The following ITPR3 variants were observed in gnomAD, a reference collection of about 807,000 sequenced individuals.
ITPR3 encodes the protein inositol 1,4,5-trisphosphate-gated calcium channel ITPR3.
In ITPR3, 173 loss-of-function variants were observed where a neutral mutation model predicts 293.2. That is an observed-to-expected ratio of 0.59 (90% CI 0.52 to 0.67). The LOEUF (loss-of-function observed/expected upper bound fraction) is 0.67. ITPR3 is among the 30% of genes least tolerant of loss of function. The probability of loss-of-function intolerance (pLI) is 0.00; values close to 1 mark genes in which losing one functional copy is unlikely to be tolerated. For missense variants in ITPR3, 2,796 were observed against 3,592.1 expected, an observed-to-expected ratio of 0.78 and a Z score of 5.66; for synonymous variants, 1,295 against 1,444.4, an observed-to-expected ratio of 0.90 and a Z score of 2.35.
rs1342892573 is a variant in ITPR3 at position 33,633,268 on chromosome 6, T to A, written c.90-7216T>A. ...GGACAGTGAGAGATCGGTGGGCTGG[T>A]AAAGGGTGGGAACAGGTCTTTTCTG... On this transcript the variant is annotated intron_variant, in intron 1 of 57. Transcript: ENST00000605930. This position sits in a 1 kb window ranked among gnomAD's most constrained non-coding sequence, Gnocchi z 5.2. 6.6e-6 allele frequency among the ~76,000 whole-genome samples: 1 copy of A among 151,068 alleles called. No individual in the cohort carries two copies. The highest frequency in any genetic ancestry group is 1.5e-5 in the Non-Finnish European group (1 of 67,662).
chr6:33,642,235 G>T (rs1441498556), intron 2 of ITPR3, among the ~76,000 whole-genome samples: 1 of 152,198 alleles, frequency 6.6e-6, no homozygotes, highest in Non-Finnish European at 1.5e-5. Flanking sequence ...CTCACTTGGA[G>T]GCACAGGTCT....
At chr6:33,680,227 G>T in intron 31 of ITPR3, 94 bp downstream of exon 31, 1 of 1,575,384 alleles carries the variant, frequency 6.3e-7, no homozygotes. Flanking sequence ...CAAAGCCAGG[G>T]AAGTGGGCAG....
At position 33,658,440 on chromosome 6, in the gene ITPR3, C is replaced by T. The variant is rs1299306492; in HGVS notation, c.370-230C>T. Among the ~76,000 whole-genome samples the T allele has an allele frequency of 6.6e-6, 1 of 152,160 alleles. No individual in the cohort carries two copies. The highest frequency in any genetic ancestry group is 1.5e-5 in the Non-Finnish European group (1 of 68,018). On this transcript the variant is annotated intron_variant, in intron 4 of 57. Transcript: ENST00000605930. The surrounding 1 kb of genome is among the most constrained non-coding windows in gnomAD (Gnocchi z 6.1). ...ATCTATGTAAAGTATTTAGAACAGC[C>T]TCTTTCTTGTGATCACCAGGGTGTC...
intron 57 of ITPR3, 108 bp downstream of exon 57, chr6:33,695,193 T>C: frequency 8.0e-7 from 1 of 1,246,054 alleles, no homozygotes; most frequent in Non-Finnish European, 1.1e-6. Context: ...CCTCTGGCCC[T>C]GGGCCTGGAT....
rs1176368312 is a variant in ITPR3 at position 33,682,211 on chromosome 6, G to C, written c.4477-313G>C. Among the ~76,000 whole-genome samples the C allele has an allele frequency of 2.0e-5, 3 of 152,260 alleles. No individual in the cohort carries two copies. The highest frequency in any genetic ancestry group is 2.1e-4 in the South Asian group (1 of 4,830). ...AGTGTTATCTTTTAAATAACCTTTTGGTTTTTCAACCATGTAAATCCATCA... is the reference window on the plus strand; with the variant it reads ...AGTGTTATCTTTTAAATAACCTTTTCGTTTTTCAACCATGTAAATCCATCA... On this transcript the variant is annotated intron_variant, in intron 33 of 57. Coordinates refer to ENST00000605930, the MANE Select transcript of ITPR3 (RefSeq NM_002224.4). The surrounding 1 kb of genome is among the most constrained non-coding windows in gnomAD (Gnocchi z 5.4).
At chr6:33,661,991 T>TAAAAAAAAAAAA (rs1333480203) in intron 7 of ITPR3, among the ~76,000 whole-genome samples, 1 of 16,880 alleles carries the variant, frequency 5.9e-5, no homozygotes, top group Non-Finnish European at 1.8e-4. Context: ...TGACTGTCTC[T>TAAAAAAAAAAAA]GAAAAAAAAA....
In ITPR3 at chr6:33,626,802, GCTTT is replaced by G. The variant is rs1437064970; in HGVS notation, c.89+5120_89+5123del. The stretch of plus-strand genomic sequence containing the variant: ...CTGGGTGGATTTCAGACCTGTCTTG[GCTTT>G]CTTTCTTTTATTTTTTTGGAGAGAG... On this transcript the variant is annotated intron_variant, in intron 1 of 57. Transcript: ENST00000605930. Among the ~76,000 whole-genome samples the G allele has an allele frequency of 2.6e-5, 4 of 152,186 alleles. No individual in the cohort carries two copies. In the East Asian group the frequency reaches 7.7e-4, roughly 29 times the overall value.
chr6:33,657,857 G>A, intron 3 of ITPR3, 75 bp from the exon 4 acceptor site: 1 of 1,204,998 alleles, frequency 8.3e-7, no homozygotes, highest in Non-Finnish European at 1.2e-6. Flanking sequence ...GTGCGTGCAT[G>A]TGTGGGGCTG....
chr6:33,655,900 G>GTT lies in ITPR3; in HGVS notation c.282+14_282+15insTT. ...GCAGAAGCTGCAGGTATGTGTGTGT[G>GTT]TGCAGGCGTGCATCTGTGCACATGT... is the stretch of plus-strand genomic sequence containing the variant. On this transcript the variant is annotated intron_variant, in intron 3 of 57. Transcript: ENST00000605930. The surrounding 1 kb of genome is among the most constrained non-coding windows in gnomAD (Gnocchi z 4.9). The GTT allele has an allele frequency of 1.2e-6, 2 of 1,613,780 alleles. No homozygotes were observed. Among genetic ancestry groups the GTT allele is most frequent in the South Asian group, 2.2e-5 (2 of 91,066 alleles).
At chr6:33,625,889 T>G (rs1215052406) in intron 1 of ITPR3, among the ~76,000 whole-genome samples, 1 of 152,154 alleles carries the variant, frequency 6.6e-6, no homozygotes, top group East Asian at 1.9e-4. Context: ...GAGGCATAGC[T>G]CTCAGGAAGG....
At chr6:33,680,906 T>C (rs1161834189) in intron 33 of ITPR3, among the ~76,000 whole-genome samples, 6 of 150,530 alleles carry the variant, frequency 4.0e-5, no homozygotes, top group South Asian at 4.2e-4. Flanking sequence ...CTGCAAGCTC[T>C]GCCTCCTGGG....
At chr6:33,623,759 T>C (rs529680369) in intron 1 of ITPR3, among the ~76,000 whole-genome samples, 1 of 152,314 alleles carries the variant, frequency 6.6e-6, no homozygotes, top group South Asian at 2.1e-4. Context: ...CCCCAGGAAC[T>C]GCTTCCTCCA....
intron 1 of ITPR3, among the ~76,000 whole-genome samples, chr6:33,629,588 C>T (rs1370889802): frequency 6.6e-6 from 1 of 151,644 alleles, no homozygotes; most frequent in Non-Finnish European, 1.5e-5. Flanking sequence ...TCGAGTGATT[C>T]TCCTGCCTCA....
chr6:33,675,668 G>A lies in ITPR3; in HGVS notation c.3117-23G>A, dbSNP rs775728261. ...GGGAGTGTGCCAGTCTCACCCATGC[G>A]CCCTGCACCCTTGTGCCCGCAGGAA... On this transcript the variant is annotated intron_variant, in intron 24 of 57. Transcript: ENST00000605930. The surrounding 1 kb of genome is among the most constrained non-coding windows in gnomAD (Gnocchi z 5.0). 1.5e-5 allele frequency: 23 copies of A among 1,576,004 alleles called. No individual in the cohort carries two copies. Among genetic ancestry groups the A allele is most frequent in the South Asian group, 8.3e-5 (7 of 84,346 alleles).
Position 33,688,762 on chromosome 6 carries a change from C to T in ITPR3, c.6675C>T (p.Tyr2225=), listed in dbSNP as rs1377338230. The change falls in exon 49 of 58, where the codon TAC becomes TAT. Residue 2225 remains tyrosine, a synonymous_variant. Transcript: ENST00000605930. The stretch of plus-strand genomic sequence containing the variant: ...TCATCATTGCCTTCTTCTACCCTTA[C>T]ATGGAGGGCGCGTCCACAGGTGAGA... ...INIIIAFFYP[Y]MEGASTGVLD... 3.7e-6 allele frequency: 6 copies of T among 1,614,106 alleles called. No individual in the cohort carries two copies. Among genetic ancestry groups the T allele is most frequent in the Non-Finnish European group, 2.5e-6 (3 of 1,180,034 alleles).
rs2079693125 is a variant in ITPR3 at position 33,632,622 on chromosome 6, A to G, written c.90-7862A>G. Reference sequence around the variant, plus strand: ...ACAAGCTGTCAACCAGCTCCTCTCCAGAGGGCCCAGAACAGCCCTGCCTGC... The same window carrying G: ...ACAAGCTGTCAACCAGCTCCTCTCCGGAGGGCCCAGAACAGCCCTGCCTGC... On this transcript the variant is annotated intron_variant, in intron 1 of 57. Transcript: ENST00000605930. This position sits in a 1 kb window ranked among gnomAD's most constrained non-coding sequence, Gnocchi z 4.1. 6.6e-6 allele frequency among the ~76,000 whole-genome samples: 1 copy of G among 152,202 alleles called. No individual in the cohort carries two copies. The highest frequency in any genetic ancestry group is 6.5e-5 in the Admixed American group (1 of 15,286).
intron 7 of ITPR3, among the ~76,000 whole-genome samples, chr6:33,660,987 G>A (rs1764448868): frequency 6.6e-6 from 1 of 152,044 alleles, no homozygotes; most frequent in Non-Finnish European, 1.5e-5. Context: ...CATCACTTGG[G>A]CCTCACTCTG....
chr6:33,640,441 T>C (rs951843973), intron 1 of ITPR3, 43 bp from the exon 2 acceptor site: 17 of 1,576,458 alleles, frequency 1.1e-5, no homozygotes, highest in Non-Finnish European at 1.4e-5. Context: ...CTGTGGGAGA[T>C]AGGTCTCTTC....
In ITPR3 at chr6:33,665,184, C is replaced by T. The variant is rs780808015; in HGVS notation, c.1380C>T (p.Asn460=). ...TGGCCAGTGCCGTGGAGAAACTCAA[C>T]GAGGGCTTCATCAGCCAGAATGACC... The part of the protein sequence containing the change: ...SMLASAVEKL[N]EGFISQNDRR... Residue 460 remains asparagine, a synonymous_variant, in exon 13 of 58, where the codon AAC becomes AAT. Coordinates refer to ENST00000605930, the MANE Select transcript of ITPR3 (RefSeq NM_002224.4). 9.0e-5 allele frequency: 146 copies of T among 1,613,984 alleles called. 1 individual carries two copies. The East Asian group carries it at 9.1e-4, about 10-fold the overall frequency.
Sources: gnomAD v4.1 joint callset for allele counts (sites outside exome capture counted in the v4.1 genomes callset) on GRCh38, gnomAD v4.1.1 for gene constraint, Gnocchi (gnomAD v3.1) non-coding constraint, MANE v1.5 for transcripts, NCBI Gene and HGNC (gene_info 2026-07-23, HGNC 2026-07-21) for gene names.